STK32C: variants seen among roughly 807,000 people sequenced by gnomAD.
STK32C encodes serine/threonine kinase 32C, also known as serine/threonine-protein kinase 32C.
Under a neutral mutation model 56.5 loss-of-function variants are expected in STK32C, and 31 were observed. The observed-to-expected ratio is 0.55, with a 90% CI of 0.41 to 0.74. STK32C has a LOEUF of 0.74. STK32C is among the 30% of genes least tolerant of loss of function. STK32C has a pLI of 0.00. For synonymous variants in STK32C, 309 were observed against 289.4 expected, an observed-to-expected ratio of 1.07 and a Z score of -0.69; for missense variants, 544 against 676.9, an observed-to-expected ratio of 0.80 and a Z score of 2.18.
intron 1 of STK32C, among the ~76,000 whole-genome samples, chr10:132,324,608 A>C (rs1431440007): frequency 6.6e-6 from 1 of 152,224 alleles, no homozygotes; most frequent in Non-Finnish European, 1.5e-5. Flanking sequence ...ACTTTCTATA[A>C]AGTATATTTT....
intron 1 of STK32C, among the ~76,000 whole-genome samples, chr10:132,253,489 GGAGGGAGTCGAGGGAGCTGAGGGAGCT>G (rs1477299216): frequency 0.12 from 16,336 of 136,678 alleles, 1,535 homozygotes; most frequent in East Asian, 0.18. Flanking sequence ...CGAGGGAGCT[GGAGGGAGTCGAGGGAGCTGAGGGAGCT>G]GAGGGAGCCG....
intron 11 of STK32C, among the ~76,000 whole-genome samples, 182 bp downstream of exon 11, chr10:132,208,852 G>A (rs937936629): frequency 2.0e-5 from 3 of 152,126 alleles, no homozygotes; most frequent in Non-Finnish European, 4.4e-5. Flanking sequence ...GCACAAACAT[G>A]CCAGAGCCTG....
At chr10:132,275,133 C>T (rs763750074) in intron 1 of STK32C, among the ~76,000 whole-genome samples, 34 of 152,204 alleles carry the variant, frequency 2.2e-4, no homozygotes, top group Non-Finnish European at 4.3e-4. Context: ...CCTGGTGCTG[C>T]CATCTGGCCC....
intron 1 of STK32C, among the ~76,000 whole-genome samples, chr10:132,327,274 C>G (rs935299634): frequency 6.6e-6 from 1 of 152,166 alleles, no homozygotes; most frequent in African/African-American, 2.4e-5. Flanking sequence ...CTGCTGCCCT[C>G]CACGTAAGAT....
intron 2 of STK32C, among the ~76,000 whole-genome samples, chr10:132,235,128 G>T (rs1393999764): frequency 1.4e-5 from 2 of 148,130 alleles, no homozygotes; most frequent in Non-Finnish European, 3.0e-5. Context: ...TATGAACCGT[G>T]TGAGTGGTGT....
In STK32C at chr10:132,231,539, G is replaced by A. The variant is rs374217714; in HGVS notation, c.319-3411C>T. Among the ~76,000 whole-genome samples the A allele has an allele frequency of 3.3e-4, 51 of 152,326 alleles. 1 individual carries two copies. Among genetic ancestry groups the A allele is most frequent in the African/African-American group, 1.2e-3 (50 of 41,582 alleles). On this transcript the variant is annotated intron_variant, in intron 2 of 11. Transcript: ENST00000298630. ...GCCATGGTGCCTCCCTGGAGACCCT[G>A]GTGGAAACGCCTCGATCCCTCACAG...
chr10:132,269,573 A>G (rs780424167), intron 1 of STK32C, among the ~76,000 whole-genome samples: 7 of 152,158 alleles, frequency 4.6e-5, no homozygotes, highest in Non-Finnish European at 8.8e-5. Context: ...TGATGGATTG[A>G]TTTTCCCCAA....
intron 8 of STK32C, among the ~76,000 whole-genome samples, chr10:132,223,584 C>T (rs2062762989): frequency 2.6e-5 from 4 of 152,260 alleles, no homozygotes; most frequent in Admixed American, 2.6e-4. Context: ...GCCACCTGGG[C>T]AGGTGTGACT....
At position 132,307,433 on chromosome 10, in the gene STK32C, C is replaced by G; in HGVS notation, c.262+139G>C. On this transcript the variant is annotated intron_variant, in intron 1 of 11. Transcript: ENST00000298630. This position sits in a 1 kb window ranked among gnomAD's most constrained non-coding sequence, Gnocchi z 4.4. ...CTCGCGTGGGGCCGCAGCCACCCGG[C>G]GCGAGCTTCTCCGGAAGCCGGGGCG... 1 of 1,005,592 alleles carries G rather than the reference C, an allele frequency of 9.9e-7. No homozygotes were observed. Among genetic ancestry groups the G allele is most frequent in the Admixed American group, 4.5e-5 (1 of 22,338 alleles). The allele number at this position is 1,005,592 out of a possible 1,614,324, so 62.3% of individuals were successfully genotyped here.
intron 2 of STK32C, among the ~76,000 whole-genome samples, chr10:132,235,130 G>A (rs898278377): frequency 6.7e-6 from 1 of 148,158 alleles, no homozygotes; most frequent in African/African-American, 2.6e-5. Context: ...TGAACCGTGT[G>A]AGTGGTGTGA....
chr10:132,222,688 G>T lies in STK32C; in HGVS notation c.1204C>A (p.Leu402Met). The T allele has an allele frequency of 6.2e-7, 1 of 1,613,256 alleles. No homozygotes were observed. Residue 402 changes from leucine to methionine, a missense_variant, in exon 10 of 12, where the codon CTG becomes ATG. Physicochemically the swap from Leu to Met is conservative, Grantham distance 15. Coordinates refer to ENST00000298630, the MANE Select transcript of STK32C (RefSeq NM_173575.4). ...SRPLHKKKKR[L>M]AKNKSRDNSR... ...TTGTCCCGGGACTTGTTCTTGGCCA[G>T]ACGCTTCTTCTTCTTGTGCAGGGGC...
At chr10:132,249,005 A>G (rs990239348) in intron 1 of STK32C, 7 of 464,230 alleles carry the variant, frequency 1.5e-5, no homozygotes, top group African/African-American at 8.0e-5. Flanking sequence ...AGTCACGGCA[A>G]TTGGGTCACC....
chr10:132,254,951 G>A (rs377204558), intron 1 of STK32C, among the ~76,000 whole-genome samples: 1 of 151,950 alleles, frequency 6.6e-6, no homozygotes, highest in Non-Finnish European at 1.5e-5. Flanking sequence ...GCGTGTCCCA[G>A]GCCTGGGACG....
intron 2 of STK32C, among the ~76,000 whole-genome samples, chr10:132,237,440 T>C (rs1215752113): frequency 2.0e-5 from 3 of 152,260 alleles, no homozygotes; most frequent in Non-Finnish European, 2.9e-5. Context: ...ACAGCTATTT[T>C]AAGGCATAAA....
At chr10:132,213,358 G>C (rs920778962) in intron 10 of STK32C, among the ~76,000 whole-genome samples, 5 of 152,204 alleles carry the variant, frequency 3.3e-5, no homozygotes, top group Non-Finnish European at 2.9e-5. Context: ...CACACCCACA[G>C]GGCCTCCGCA....
intron 1 of STK32C, among the ~76,000 whole-genome samples, chr10:132,291,386 T>C (rs1754987257): frequency 6.6e-6 from 1 of 152,198 alleles, no homozygotes; most frequent in Non-Finnish European, 1.5e-5. Flanking sequence ...CTTGTGAGGA[T>C]GAGGCTCTGC....
chr10:132,266,123 T>C (rs976047864), intron 1 of STK32C, among the ~76,000 whole-genome samples: 2 of 152,174 alleles, frequency 1.3e-5, no homozygotes, highest in East Asian at 1.9e-4. Flanking sequence ...GTTATATCCA[T>C]ACGATGGAAT....
intron 2 of STK32C, among the ~76,000 whole-genome samples, chr10:132,239,372 C>A (rs1288237509): frequency 6.6e-6 from 1 of 152,222 alleles, no homozygotes; most frequent in East Asian, 1.9e-4. Flanking sequence ...CTCACACACA[C>A]AATCACAGAA....
intron 1 of STK32C, among the ~76,000 whole-genome samples, chr10:132,304,688 A>T (rs118170318): frequency 0.022 from 3,332 of 152,358 alleles, 51 homozygotes; most frequent in Non-Finnish European, 0.037. Context: ...TTTTAAATGC[A>T]TACATTTTAA....
Sources: allele counts gnomAD v4.1 joint callset (sites outside exome capture counted in the v4.1 genomes callset), GRCh38; gene constraint gnomAD v4.1.1; non-coding constraint Gnocchi (gnomAD v3.1); transcripts MANE v1.5; gene names NCBI Gene and HGNC (gene_info 2026-07-23, HGNC 2026-07-21).